CADM2: variants seen among roughly 807,000 people sequenced by gnomAD.
CADM2 encodes immunoglobulin superfamily member 4D.
CADM2 carries 12 observed loss-of-function variants against 49.8 expected under a neutral mutation model. The ratio of observed to expected loss-of-function variants is 0.24; its 90% confidence interval spans 0.15 to 0.39. CADM2 has a LOEUF of 0.39. Among genes scored for constraint, CADM2 ranks in the 10% least tolerant of loss-of-function variants. The pLI is 1.00. For synonymous variants in CADM2, 214 were observed against 175.4 expected, an observed-to-expected ratio of 1.22 and a Z score of -1.74; for missense variants, 378 against 492.3, an observed-to-expected ratio of 0.77 and a Z score of 2.20.
chr3:85,786,263 A>T (rs1308457241), intron 2 of CADM2, among the ~76,000 whole-genome samples: 9 of 152,102 alleles, frequency 5.9e-5, no homozygotes, highest in Non-Finnish European at 1.0e-4. Flanking sequence ...GTAATCCCAA[A>T]AAAGGATACA....
chr3:85,660,587 C>T (rs572723817), intron 1 of CADM2, among the ~76,000 whole-genome samples: 97 of 152,156 alleles, frequency 6.4e-4, no homozygotes, highest in African/African-American at 2.2e-3. Flanking sequence ...CAGACTACTA[C>T]ACTTTGATCA....
At chr3:85,988,505 A>C (rs1728385711) in intron 8 of CADM2, among the ~76,000 whole-genome samples, 1 of 152,190 alleles carries the variant, frequency 6.6e-6, no homozygotes, top group Non-Finnish European at 1.5e-5. Context: ...GAGAAAAACG[A>C]CTAAGAAAAA....
At chr3:85,450,614 T>G (rs2037709245) in intron 1 of CADM2, among the ~76,000 whole-genome samples, 1 of 152,030 alleles carries the variant, frequency 6.6e-6, no homozygotes, top group East Asian at 1.9e-4. Flanking sequence ...AAATATATTT[T>G]CATAAATTTT....
intron 7 of CADM2, among the ~76,000 whole-genome samples, chr3:85,950,396 A>T (rs1453837517): frequency 2.0e-5 from 3 of 151,244 alleles, no homozygotes; most frequent in African/African-American, 7.3e-5. Context: ...CTTCATGATC[A>T]TAGCAATCTT....
chr3:86,013,229 A>G (rs1731776600), intron 8 of CADM2: 7 of 1,439,214 alleles, frequency 4.9e-6, no homozygotes, highest in Non-Finnish European at 5.8e-6. Flanking sequence ...GAACAAAAAC[A>G]TAAACCAACA....
chr3:85,581,735 A>G (rs922446331), intron 1 of CADM2, among the ~76,000 whole-genome samples: 5 of 151,890 alleles, frequency 3.3e-5, no homozygotes, highest in Non-Finnish European at 7.4e-5. Context: ...CAGTGTGGTA[A>G]TTACATGGGC....
chr3:85,785,021 G>A (rs1262040899), intron 2 of CADM2, among the ~76,000 whole-genome samples: 1 of 151,932 alleles, frequency 6.6e-6, no homozygotes, highest in African/African-American at 2.4e-5. Context: ...GTAGGTTGTA[G>A]GTGTCTAGGA....
intron 1 of CADM2, among the ~76,000 whole-genome samples, chr3:85,544,952 G>C (rs1220888353): frequency 6.6e-6 from 1 of 152,100 alleles, no homozygotes; most frequent in Non-Finnish European, 1.5e-5. Flanking sequence ...CTCCTAAATC[G>C]ATAACTTTGC....
chr3:85,098,806 A>C (rs2037902944), intron 1 of CADM2, among the ~76,000 whole-genome samples: 1 of 152,160 alleles, frequency 6.6e-6, no homozygotes, highest in Non-Finnish European at 1.5e-5. Context: ...TTTTTGATCC[A>C]TGTTTGGTTG....
chr3:84,986,291 C>A (rs982289241), intron 1 of CADM2, among the ~76,000 whole-genome samples: 3 of 152,038 alleles, frequency 2.0e-5, no homozygotes, highest in African/African-American at 4.8e-5. Flanking sequence ...TGTCCTCTTG[C>A]GATTAATTTA....
chr3:85,118,222 T>G (rs2038714173), intron 1 of CADM2, among the ~76,000 whole-genome samples: 1 of 152,008 alleles, frequency 6.6e-6, no homozygotes. Context: ...GGGATATATA[T>G]GAAAAAGTGC....
At chr3:85,848,049 T>C in intron 3 of CADM2, among the ~76,000 whole-genome samples, 1 of 152,112 alleles carries the variant, frequency 6.6e-6, no homozygotes, top group Non-Finnish European at 1.5e-5. Flanking sequence ...AATTTTCTTT[T>C]TATACTCATA....
chr3:85,981,379 A>G (rs1389525455), intron 8 of CADM2, among the ~76,000 whole-genome samples: 1 of 151,574 alleles, frequency 6.6e-6, no homozygotes, highest in Non-Finnish European at 1.5e-5. Flanking sequence ...TTTTAGGTTC[A>G]GGAGTACATG....
At chr3:85,088,763 A>T (rs2107518445) in intron 1 of CADM2, among the ~76,000 whole-genome samples, 1 of 152,258 alleles carries the variant, frequency 6.6e-6, no homozygotes, top group Non-Finnish European at 1.5e-5. Flanking sequence ...TTGTCTTTAG[A>T]AAGAAAGATA....
intron 5 of CADM2, among the ~76,000 whole-genome samples, chr3:85,887,708 G>A (rs1213938655): frequency 6.6e-6 from 1 of 152,056 alleles, no homozygotes; most frequent in East Asian, 1.9e-4. Context: ...TAAATTTCAG[G>A]TTACTGTGTA....
chr3:85,505,633 C>A (rs1036977409), intron 1 of CADM2, among the ~76,000 whole-genome samples: 2 of 152,106 alleles, frequency 1.3e-5, no homozygotes, highest in South Asian at 2.1e-4. Context: ...GTCACAGAAC[C>A]TTTGTCATAA....
chr3:85,713,118 C>T (rs1189032169), intron 1 of CADM2, among the ~76,000 whole-genome samples: 4 of 152,088 alleles, frequency 2.6e-5, no homozygotes, highest in Admixed American at 6.6e-5. Flanking sequence ...TTTCTGGAGA[C>T]GAGAGTTTAA....
chr3:86,004,555 A>T (rs924299964), intron 8 of CADM2, among the ~76,000 whole-genome samples: 4 of 152,244 alleles, frequency 2.6e-5, no homozygotes, highest in Admixed American at 1.3e-4. Context: ...CGCCTCATCA[A>T]GAATTAAATA....
chr3:85,532,551 C>T (rs572904115), intron 1 of CADM2, among the ~76,000 whole-genome samples: 212 of 152,250 alleles, frequency 1.4e-3, no homozygotes, highest in African/African-American at 5.0e-3. Context: ...CGGAAAATTA[C>T]TCAACAATCC....
Sources: gnomAD v4.1 joint callset for allele counts (sites outside exome capture counted in the v4.1 genomes callset) on GRCh38, gnomAD v4.1.1 for gene constraint, MANE v1.5 for transcripts, NCBI Gene and HGNC (gene_info 2026-07-23, HGNC 2026-07-21) for gene names.